TMEM108: variants seen among roughly 807,000 people sequenced by gnomAD.
TMEM108 encodes cancer/testis antigen 124.
Under a neutral mutation model 35.1 loss-of-function variants are expected in TMEM108, and 12 were observed. The ratio of observed to expected loss-of-function variants is 0.34; its 90% CI spans 0.22 to 0.55. The LOEUF is 0.55. Among genes scored for constraint, TMEM108 ranks in the 20% least tolerant of loss-of-function variants. The pLI, the probability that TMEM108 is intolerant of heterozygous loss-of-function variation, is 0.89. For missense variants in TMEM108, 680 were observed against 753.3 expected, an observed-to-expected ratio of 0.90 and a Z score of 1.14; for synonymous variants, 287 against 308.6, an observed-to-expected ratio of 0.93 and a Z score of 0.73.
intron 2 of TMEM108, among the ~76,000 whole-genome samples, chr3:133,115,672 A>G (rs1406987273): frequency 6.6e-6 from 1 of 152,276 alleles, no homozygotes; most frequent in African/African-American, 2.4e-5. Flanking sequence ...TGCATTAAAG[A>G]GAAATAAAAA....
intron 3 of TMEM108, among the ~76,000 whole-genome samples, chr3:133,232,055 C>T (rs1455314216): frequency 1.3e-5 from 2 of 152,174 alleles, no homozygotes; most frequent in Admixed American, 1.3e-4. Flanking sequence ...AGTGTGGTCC[C>T]TCTGCTGCCC....
chr3:133,184,340 C>A lies in TMEM108; in HGVS notation c.-46-44926C>A, dbSNP rs77277678. 1.8e-3 allele frequency among the ~76,000 whole-genome samples: 274 copies of A among 152,200 alleles called. 1 individual carries two copies. Among genetic ancestry groups the A allele is most frequent in the African/African-American group, 6.1e-3 (254 of 41,534 alleles). On this transcript the variant is annotated intron_variant, in intron 2 of 5. Transcript: ENST00000321871. ...ACATTAGCAATATTTTAATTCACAG[C>A]CAAGACTTTTTCTTTTCGTATTGGT...
Position 133,146,958 on chromosome 3 carries a change from C to T in TMEM108, c.-46-82308C>T, listed in dbSNP as rs145405318. 4.0e-3 allele frequency among the ~76,000 whole-genome samples: 608 copies of T among 152,132 alleles called. 4 individuals carry two copies. Among genetic ancestry groups the T allele is most frequent in the African/African-American group, 0.013 (548 of 41,514 alleles). On this transcript the variant is annotated intron_variant, in intron 2 of 5. Transcript: ENST00000321871. ...TGAAGGCTTTTTCATGTCTCTCTGT[C>T]CTTCAGTTCTGCTCTGATCTTAGTT...
intron 3 of TMEM108, among the ~76,000 whole-genome samples, chr3:133,313,915 T>C (rs2071165314): frequency 6.6e-6 from 1 of 152,088 alleles, no homozygotes; most frequent in South Asian, 2.1e-4. Flanking sequence ...TTAATGTGAA[T>C]TTAAGGATTT....
intron 2 of TMEM108, among the ~76,000 whole-genome samples, chr3:133,176,626 A>C (rs1276919673): frequency 2.6e-5 from 4 of 151,434 alleles, no homozygotes; most frequent in East Asian, 1.9e-4. Context: ...CAACGAGAAC[A>C]AAGACACAAC....
intron 3 of TMEM108, among the ~76,000 whole-genome samples, chr3:133,337,793 A>G (rs546153862): frequency 4.3e-4 from 65 of 152,326 alleles, no homozygotes; most frequent in African/African-American, 1.5e-3. Context: ...AGGAAATTCA[A>G]AGAAATTCAA....
At chr3:133,116,050 C>T (rs1944284276) in intron 2 of TMEM108, among the ~76,000 whole-genome samples, 1 of 152,140 alleles carries the variant, frequency 6.6e-6, no homozygotes, top group South Asian at 2.1e-4. Flanking sequence ...ACTTCACAGG[C>T]CATCAAGTAT....
chr3:133,182,767 A>G (rs953842853), intron 2 of TMEM108, among the ~76,000 whole-genome samples: 1 of 152,198 alleles, frequency 6.6e-6, no homozygotes, highest in African/African-American at 2.4e-5. Flanking sequence ...TTGTGTAATA[A>G]TAGCACCCAG....
chr3:133,177,777 A>G (rs925640459), intron 2 of TMEM108, among the ~76,000 whole-genome samples: 2 of 151,750 alleles, frequency 1.3e-5, no homozygotes, highest in African/African-American at 4.8e-5. Flanking sequence ...CTCTCTCACC[A>G]CTCCTATTCA....
chr3:133,112,466 C>G (rs1944237479), intron 2 of TMEM108, among the ~76,000 whole-genome samples: 1 of 151,984 alleles, frequency 6.6e-6, no homozygotes, highest in African/African-American at 2.4e-5. Context: ...CTCAGTTATG[C>G]CAACTTCTAT....
intron 3 of TMEM108, among the ~76,000 whole-genome samples, chr3:133,348,379 G>A (rs1277464527): frequency 6.6e-6 from 1 of 152,166 alleles, no homozygotes; most frequent in Non-Finnish European, 1.5e-5. Context: ...ATCACACACA[G>A]TATATCAAGG....
At chr3:133,327,012 T>A (rs1227405590) in intron 3 of TMEM108, among the ~76,000 whole-genome samples, 1 of 152,220 alleles carries the variant, frequency 6.6e-6, no homozygotes, top group Non-Finnish European at 1.5e-5. Flanking sequence ...TCAGAAGCCT[T>A]TCAGGTACAG....
intron 2 of TMEM108, among the ~76,000 whole-genome samples, chr3:133,202,654 A>T (rs978595570): frequency 6.6e-6 from 1 of 151,894 alleles, no homozygotes; most frequent in Admixed American, 6.6e-5. Context: ...TGGTCTATAT[A>T]TCTGTTTTGG....
intron 3 of TMEM108, among the ~76,000 whole-genome samples, chr3:133,342,306 G>A (rs565139671): frequency 2.7e-4 from 41 of 150,970 alleles, no homozygotes; most frequent in African/African-American, 8.2e-4. Flanking sequence ...TAGTACAACC[G>A]GGTGACTCTA....
At chr3:133,280,549 C>T (rs188079506) in intron 3 of TMEM108, among the ~76,000 whole-genome samples, 180 of 152,242 alleles carry the variant, frequency 1.2e-3, no homozygotes, top group Admixed American at 2.6e-3. Context: ...AAGTAGGAAA[C>T]GTAATCCATT....
chr3:133,280,702 A>G (rs968218168), intron 3 of TMEM108, among the ~76,000 whole-genome samples: 1 of 152,204 alleles, frequency 6.6e-6, no homozygotes, highest in Admixed American at 6.5e-5. Flanking sequence ...CAGTTCTACA[A>G]GCCAGCAACC....
intron 3 of TMEM108, among the ~76,000 whole-genome samples, chr3:133,264,015 TA>T (rs1319658204): frequency 6.6e-6 from 1 of 151,982 alleles, no homozygotes; most frequent in Non-Finnish European, 1.5e-5. Flanking sequence ...TTTCAAGAAG[TA>T]AATAACAGAC....
At chr3:133,188,270 TCTC>T (rs1399294660) in intron 2 of TMEM108, among the ~76,000 whole-genome samples, 11 of 152,162 alleles carry the variant, frequency 7.2e-5, no homozygotes, top group Non-Finnish European at 1.3e-4. Flanking sequence ...AGTAGGATAA[TCTC>T]CTCATATAAA....
At chr3:133,116,206 C>T (rs1044847018) in intron 2 of TMEM108, among the ~76,000 whole-genome samples, 3 of 152,164 alleles carry the variant, frequency 2.0e-5, no homozygotes, top group South Asian at 2.1e-4. Flanking sequence ...GCATTGTCTT[C>T]GTAAACATTT....
Sources: allele counts gnomAD v4.1 joint callset (sites outside exome capture counted in the v4.1 genomes callset), GRCh38; gene constraint gnomAD v4.1.1; transcripts MANE v1.5; gene names NCBI Gene and HGNC (gene_info 2026-07-23, HGNC 2026-07-21).